The following TUFM variants were observed in gnomAD, a reference collection of about 807,000 sequenced individuals.
The protein encoded by TUFM is elongation factor Tu, mitochondrial.
In TUFM, 23 loss-of-function variants were observed where a neutral mutation model predicts 45.0. That is an observed-to-expected ratio of 0.51 (90% confidence interval 0.37 to 0.72). The LOEUF (loss-of-function observed/expected upper bound fraction) is 0.72. Among genes scored for constraint, TUFM ranks in the 30% least tolerant of loss-of-function variants. TUFM has a pLI of 0.00. For synonymous variants in TUFM, 243 were observed against 252.9 expected (o/e 0.96, Z 0.37); for missense variants, 490 against 610.7 (o/e 0.80, Z 2.08).
rs756617979 is a variant in TUFM at position 28,845,075 on chromosome 16, G to A, written c.415-20C>T. 4 of 1,613,186 alleles carry A rather than the reference G, an allele frequency of 2.5e-6. No homozygotes were observed. The highest frequency in any genetic ancestry group is 3.4e-6 in the Non-Finnish European group (4 of 1,179,424). ...CATATTCTGGAGAGGAGAAGGAAAG[G>A]AAACAGCCAAGTTCAACGAGCTCTT... On this transcript the variant is annotated intron_variant, in intron 3 of 9. Coordinates refer to ENST00000313511, the MANE Select transcript of TUFM (RefSeq NM_003321.5).
In TUFM at chr16:28,843,854, A is replaced by G. The variant is rs1434884305; in HGVS notation, c.1076T>C (p.Val359Ala). 6.2e-7 allele frequency: 1 copy of G among 1,614,070 alleles called. No homozygotes were observed. The highest frequency in any genetic ancestry group is 1.7e-5 in the Admixed American group (1 of 60,004). Residue 359 changes from valine (V) to alanine (A), a missense_variant and splice_region_variant, in exon 9 of 10, where the codon GTT becomes GCT. By Grantham distance (64) the Val-to-Ala change is moderately conservative. Transcript: ENST00000313511. ...ACCTTCCTCCTTGCTGAGGATGTAA[A>G]CCTGGAGGAGAGCAAGCAATGACGG... ...IKPHQKVEAQ[V>A]YILSKEEGGR...
intron 2 of TUFM, 40 bp from the exon 3 acceptor site, chr16:28,845,520 AG>A (rs1395729893): frequency 1.3e-5 from 21 of 1,613,340 alleles, no homozygotes; most frequent in Non-Finnish European, 1.8e-5. Context: ...CTAAAGTTCC[AG>A]TGCTAGAGGC....
Position 28,844,110 on chromosome 16 carries a change from G to A in TUFM, c.923-9C>T, listed in dbSNP as rs763468042. 2.5e-6 allele frequency: 4 copies of A among 1,614,100 alleles called. No homozygotes were observed. Among genetic ancestry groups the A allele is most frequent in the Admixed American group, 1.7e-5 (1 of 60,002 alleles). On this transcript the variant is annotated splice_polypyrimidine_tract_variant and intron_variant, in intron 7 of 9. Coordinates refer to ENST00000313511, the MANE Select transcript of TUFM (RefSeq NM_003321.5). This position sits in a 1 kb window ranked among gnomAD's most constrained non-coding sequence, Gnocchi z 5.8. ...GTGGAACATCTCAATGCCTAGGACG[G>A]AAAGGGAAAAGGAGCAGGGAGAAGG...
At position 28,844,388 on chromosome 16, in the gene TUFM, G is replaced by T. The variant is rs776875673; in HGVS notation, c.817+31C>A. On this transcript the variant is annotated intron_variant, in intron 6 of 9. Transcript: ENST00000313511. The surrounding 1 kb of genome is among the most constrained non-coding windows in gnomAD (Gnocchi z 5.8). ...GACCCCGAGCTAGGCTTCTGCTAGA[G>T]AGAGTGCGTGGGAACAGACAGAGTC... 5 of 1,614,082 alleles carry T rather than the reference G, an allele frequency of 3.1e-6. No homozygotes were observed. The Admixed American group carries it at 6.7e-5, about 22-fold the overall frequency.
rs753214812 is a variant in TUFM, at chr16:28,843,102, C to T, written c.1241G>A (p.Arg414Gln). 3.7e-6 allele frequency: 6 copies of T among 1,614,164 alleles called. No individual in the cohort carries two copies. In the Admixed American group the frequency reaches 5.0e-5, roughly 13 times the overall value. ...GEDLKFNLIL[R>Q]QPMILEKGQR... Reference sequence around the variant, plus strand: ...GCCTTTCTCTAAGATCATTGGCTGCCGCAAGATTAGGTTGAACTTCAGGTC... The same window carrying T: ...GCCTTTCTCTAAGATCATTGGCTGCTGCAAGATTAGGTTGAACTTCAGGTC... The change falls in exon 10 of 10, where the codon CGG becomes CAG. Residue 414 changes from arginine (R) to glutamine (Q), a missense_variant. Arg to Gln is a conservative substitution (Grantham distance 43). Coordinates refer to ENST00000313511, the MANE Select transcript of TUFM (RefSeq NM_003321.5).
Position 28,844,799 on chromosome 16 carries a change from C to T in TUFM, c.583G>A (p.Val195Met), listed in dbSNP as rs998717403. The T allele has an allele frequency of 6.2e-7, 1 of 1,614,200 alleles. No homozygotes were observed. The highest frequency in any genetic ancestry group is 8.5e-7 in the Non-Finnish European group (1 of 1,180,032). Residue 195 changes from valine to methionine, a missense_variant, in exon 5 of 10, where the codon GTG (valine) becomes ATG (methionine). Coordinates refer to ENST00000313511, the MANE Select transcript of TUFM (RefSeq NM_003321.5). The surrounding 1 kb of genome is among the most constrained non-coding windows in gnomAD (Gnocchi z 5.8). The stretch of plus-strand genomic sequence containing the variant: ...CGGATCTCCAGTTCCACCAGTTCCA[C>T]CATCTCAGAGTCCTGGACAGCGTCA... ...KADAVQDSEM[V>M]ELVELEIREL...
chr16:28,844,031 G>T lies in TUFM; in HGVS notation c.993C>A (p.Gly331=). The change falls in exon 8 of 10, where the codon GGC becomes GGA. Residue 331 remains glycine, a synonymous_variant. Transcript: ENST00000313511. This position sits in a 1 kb window ranked among gnomAD's most constrained non-coding sequence, Gnocchi z 5.8. ...CCCGCCGCAAGTCCTCCCGCTTCAA[G>T]CCTCGGACCAGGGCCCCGAGGTTAT... The part of the protein sequence containing the change: ...AGDNLGALVR[G]LKREDLRRGL... 6.2e-7 allele frequency: 1 copy of T among 1,614,220 alleles called. No homozygotes were observed.
At chr16:28,845,115 A>G (rs1961905691) in intron 3 of TUFM, 60 bp from the exon 4 acceptor site, 2 of 1,592,852 alleles carry the variant, frequency 1.3e-6, no homozygotes, top group South Asian at 2.2e-5. Flanking sequence ...TCACATCCAT[A>G]TAGCCAAGTG....
Position 28,844,345 on chromosome 16 carries a change from A to G in TUFM, c.818-11T>C. 1 of 1,614,116 alleles carries G rather than the reference A, an allele frequency of 6.2e-7. No homozygotes were observed. The highest frequency in any genetic ancestry group is 1.3e-5 in the African/African-American group (1 of 75,040). ...CCACGGTGCCACGGCCTGGGAGGGA[A>G]TAAGACAGGATATCAGGGACCCCGA... On this transcript the variant is annotated splice_polypyrimidine_tract_variant and intron_variant, in intron 6 of 9. Transcript: ENST00000313511. This position sits in a 1 kb window ranked among gnomAD's most constrained non-coding sequence, Gnocchi z 5.8.
rs539915417 is a variant in TUFM at position 28,846,341 on chromosome 16, T to C, written c.-72A>G. ...ACAGAAGAAGAAGGGCGCCTGCGGCTGGAAGGCACTTCCGGCGGAAGTTAG... is the reference window on the plus strand; with the variant it reads ...ACAGAAGAAGAAGGGCGCCTGCGGCCGGAAGGCACTTCCGGCGGAAGTTAG... On this transcript the variant is annotated 5_prime_UTR_variant, in exon 1 of 10. Coordinates refer to ENST00000313511, the MANE Select transcript of TUFM (RefSeq NM_003321.5). 4 of 1,504,702 alleles carry C rather than the reference T, an allele frequency of 2.7e-6. No homozygotes were observed. In the African/African-American group the frequency reaches 5.6e-5, roughly 21 times the overall value. The allele number at this position is 1,504,702 out of a possible 1,614,324, so 93.2% of individuals were successfully genotyped here.
At chr16:28,845,083 C>T in intron 3 of TUFM, 28 bp from the exon 4 acceptor site, 2 of 1,611,046 alleles carry the variant, frequency 1.2e-6, no homozygotes, top group Non-Finnish European at 8.5e-7. Context: ...AGGAAACAGC[C>T]AAGTTCAACG....
At chr16:28,845,877 G>A in intron 2 of TUFM, 35 bp downstream of exon 2, 1 of 1,610,654 alleles carries the variant, frequency 6.2e-7, no homozygotes, top group Non-Finnish European at 8.5e-7. Flanking sequence ...CCCATCAGTA[G>A]ATAGGGCGCT....
Position 28,842,776 on chromosome 16 carries a change from AG to A in TUFM, c.*198del. The A allele has an allele frequency of 1.4e-6, 1 of 696,188 alleles. No homozygotes were observed. Among genetic ancestry groups the A allele is most frequent in the South Asian group, 1.6e-5 (1 of 61,190 alleles). The allele number at this position is 696,188 out of a possible 1,614,324, so 43.1% of individuals were successfully genotyped here. A position where few individuals can be genotyped will look rare whatever the true frequency, so the allele number is the denominator to read the frequency against. ...CCTCTCCAATTTGCACAAAGGACAC[AG>A]GACACAGGCTGGCTTACTATTCAAA... On this transcript the variant is annotated 3_prime_UTR_variant, in exon 10 of 10. Coordinates refer to ENST00000313511, the MANE Select transcript of TUFM (RefSeq NM_003321.5).
intron 2 of TUFM, 95 bp downstream of exon 2, chr16:28,845,817 T>C (rs1487654660): frequency 6.6e-7 from 1 of 1,514,462 alleles, no homozygotes; most frequent in Admixed American, 1.7e-5. Flanking sequence ...GGGGCCACAG[T>C]AAACTCCTCC....
rs1342397415 is a variant in TUFM at position 28,846,263 on chromosome 16, T to C, written c.7A>G (p.Thr3Ala). The part of the protein sequence containing the change: MT[T>A]MAAATLLRAT... ...CGCAGCAGGGTGGCGGCCGCCATTG[T>C]GGTCATACTCGCGCCCCGGTAACCG... The change falls in exon 1 of 10, where the codon ACA (threonine) becomes GCA (alanine). Residue 3 changes from threonine to alanine, a missense_variant. Coordinates refer to ENST00000313511, the MANE Select transcript of TUFM (RefSeq NM_003321.5). The C allele has an allele frequency of 4.5e-6, 7 of 1,561,374 alleles. No individual in the cohort carries two copies. In the South Asian group the frequency reaches 8.2e-5, roughly 18 times the overall value.
Position 28,844,438 on chromosome 16 carries a change from C to T in TUFM, c.798G>A (p.Glu266=), listed in dbSNP as rs1261414979. 6.2e-7 allele frequency: 1 copy of T among 1,614,200 alleles called. No homozygotes were observed. The highest frequency in any genetic ancestry group is 8.5e-7 in the Non-Finnish European group (1 of 1,180,042). The part of the protein sequence containing the change: ...DLEKPFLLPV[E]AVYSVPGRGT... ...CCTCACCAGGGACGGAGTACACCGC[C>T]TCCACAGGCAGCAGGAAAGGCTTCT... Residue 266 remains glutamate, a synonymous_variant, in exon 6 of 10, where the codon GAG becomes GAA. Coordinates refer to ENST00000313511, the MANE Select transcript of TUFM (RefSeq NM_003321.5). The surrounding 1 kb of genome is among the most constrained non-coding windows in gnomAD (Gnocchi z 5.8).
intron 2 of TUFM, 122 bp downstream of exon 2, chr16:28,845,790 C>A: frequency 7.9e-7 from 1 of 1,262,644 alleles, no homozygotes; most frequent in Non-Finnish European, 1.1e-6. Context: ...CCACCTGTCG[C>A]ACAAATTCGG....
chr16:28,846,198 C>A lies in TUFM; in HGVS notation c.52+20G>T, dbSNP rs1340799367. 6.3e-7 allele frequency: 1 copy of A among 1,583,674 alleles called. No individual in the cohort carries two copies. The highest frequency in any genetic ancestry group is 2.3e-5 in the East Asian group (1 of 42,840). On this transcript the variant is annotated intron_variant, in intron 1 of 9. Coordinates refer to ENST00000313511, the MANE Select transcript of TUFM (RefSeq NM_003321.5). ...CCCCAAAGTGTTCCTGGGCCGCCAT[C>A]GCCCTCCCTGACCACTCACCGCTGA... is the stretch of plus-strand genomic sequence containing the variant.
Position 28,846,095 on chromosome 16 carries a change from C to T in TUFM, c.64G>A (p.Gly22Ser), listed in dbSNP as rs116562140. 160 of 1,613,526 alleles carry T rather than the reference C, an allele frequency of 9.9e-5. No homozygotes were observed. In the African/African-American group the frequency reaches 2.1e-3, roughly 21 times the overall value. Residue 22 changes from glycine (G) to serine (S), a missense_variant, in exon 2 of 10, where the codon GGC becomes AGC. Transcript: ENST00000313511. ...ATPHFSGLAA[G>S]RTFLLQGLLR... ...AGACCCTGCAGCAGGAAGGTCCGGC[C>T]GGCGGCGAGACCTGCCGGGACCGAA...
Sources: allele counts gnomAD v4.1 joint callset, GRCh38; gene constraint gnomAD v4.1.1; non-coding constraint Gnocchi (gnomAD v3.1); transcripts MANE v1.5; gene names NCBI Gene and HGNC (gene_info 2026-07-23, HGNC 2026-07-21).